The following SLC28A1 variants were observed in gnomAD, a reference collection of about 807,000 sequenced individuals.
SLC28A1 encodes the protein sodium/nucleoside cotransporter 1.
SLC28A1 carries 64 observed loss-of-function variants against 74.8 expected under a neutral mutation model. The observed-to-expected ratio is 0.86, with a 90% CI of 0.70 to 1.05. The LOEUF (loss-of-function observed/expected upper bound fraction) is 1.05, where lower values mean the gene tolerates loss of function less well. SLC28A1 is among the 50% of genes least tolerant of loss of function. The pLI is 0.00. For synonymous variants in SLC28A1, 359 were observed against 335.0 expected, an observed-to-expected ratio of 1.07 and a Z score of -0.78; for missense variants, 828 against 822.8, an observed-to-expected ratio of 1.01 and a Z score of -0.08.
the SLC28A1 span, chr15:84,961,529 C>A: frequency 2.2e-6 from 1 of 453,826 alleles, no homozygotes; most frequent in Admixed American, 2.4e-5. Context: ...TTTGTAGAGA[C>A]GAGGTCTTGC....
the SLC28A1 span, among the ~76,000 whole-genome samples, chr15:84,970,807 G>A: frequency 6.6e-6 from 1 of 151,668 alleles, no homozygotes; most frequent in African/African-American, 2.4e-5. Flanking sequence ...AGACCAGCCT[G>A]AGCAACATGG....
intron 12 of SLC28A1, among the ~76,000 whole-genome samples, chr15:84,930,800 C>T (rs977084630): frequency 1.3e-5 from 2 of 150,848 alleles, no homozygotes; most frequent in South Asian, 2.1e-4. Context: ...GATGGAGTCT[C>T]GCACTATTGC....
Position 84,945,517 on chromosome 15 carries a change from C to G in SLC28A1, c.*317C>G. The G allele has an allele frequency of 2.5e-6, 1 of 399,288 alleles. No individual in the cohort carries two copies. The highest frequency in any genetic ancestry group is 4.8e-6 in the Non-Finnish European group (1 of 208,696). The allele number at this position is 399,288 out of a possible 1,614,324, so 24.7% of individuals were successfully genotyped here. A position where few individuals can be genotyped will look rare whatever the true frequency, so the allele number is the denominator to read the frequency against. ...AGCACCCTGGTCCTCTCTATCCCCC[C>G]TCTCCTGGGGTCCCTCACATGCCCC... On this transcript the variant is annotated 3_prime_UTR_variant, in exon 19 of 19. Transcript: ENST00000394573.
the SLC28A1 span, among the ~76,000 whole-genome samples, chr15:84,969,184 T>A: frequency 6.6e-6 from 1 of 152,334 alleles, no homozygotes; most frequent in East Asian, 1.9e-4. Flanking sequence ...CCTTTCTGAT[T>A]CCCTGCTTAA....
chr15:84,946,188 C>A (rs1183120761), downstream of SLC28A1, among the ~76,000 whole-genome samples: 9 of 135,426 alleles, frequency 6.6e-5, no homozygotes, highest in Admixed American at 7.2e-4. Flanking sequence ...CTCCTGGACT[C>A]AAGTAGTCTG....
chr15:84,941,595 A>G (rs1001782319), intron 15 of SLC28A1, among the ~76,000 whole-genome samples: 1 of 152,070 alleles, frequency 6.6e-6, no homozygotes, highest in African/African-American at 2.4e-5. Context: ...CGTTATCTGG[A>G]AAGTGCGGCT....
intron 9 of SLC28A1, among the ~76,000 whole-genome samples, chr15:84,915,892 A>G (rs1045015816): frequency 3.9e-5 from 6 of 152,014 alleles, no homozygotes; most frequent in Non-Finnish European, 5.9e-5. Context: ...ACTCAGGGCT[A>G]TTTCTGCAGT....
the SLC28A1 span, among the ~76,000 whole-genome samples, chr15:84,956,472 T>TTTCTTTCTTTCTTTCTTTCTTTCTTTCC: frequency 1.2e-3 from 96 of 77,690 alleles, no homozygotes; most frequent in East Asian, 7.6e-3. Flanking sequence ...TCTTTCCTTC[T>TTTCTTTCTTTCTTTCTTTCTTTCTTTCC]TTCTTTCTTT....
At chr15:84,923,955 C>T (rs1274364747) in intron 11 of SLC28A1, 30 bp from the exon 12 acceptor site, 2 of 1,614,022 alleles carry the variant, frequency 1.2e-6, no homozygotes, top group East Asian at 2.2e-5. Flanking sequence ...CACCCCCACC[C>T]TGCTTGTCTG....
chr15:84,897,071 A>AT (rs2141702632), intron 6 of SLC28A1, among the ~76,000 whole-genome samples: 1 of 151,996 alleles, frequency 6.6e-6, no homozygotes, highest in East Asian at 1.9e-4. Flanking sequence ...AACTATACTA[A>AT]AAACCATTAA....
At chr15:84,889,977 A>C (rs1471544265) in intron 4 of SLC28A1, among the ~76,000 whole-genome samples, 1 of 150,900 alleles carries the variant, frequency 6.6e-6, no homozygotes, top group Non-Finnish European at 1.5e-5. Flanking sequence ...CTGGGATTAC[A>C]GGCGCACGCC....
At chr15:84,898,762 T>A (rs1213790324) in intron 6 of SLC28A1, among the ~76,000 whole-genome samples, 2 of 151,976 alleles carry the variant, frequency 1.3e-5, no homozygotes, top group Non-Finnish European at 2.9e-5. Flanking sequence ...AGGAAACAAA[T>A]GAGTTTAGCC....
In SLC28A1 at chr15:84,895,088, T is replaced by C. The variant is rs771633384; in HGVS notation, c.426T>C (p.Pro142=). Residue 142 remains proline, a synonymous_variant, in exon 6 of 19, where the codon CCT becomes CCC. Transcript: ENST00000394573. ...LGPKLRRFLK[P]QGHPRLLLWF... ...CAAAGCTGAGGAGGTTTCTCAAGCC[T>C]CAGGGCCATCCCCGCCTGCTGCTCT... The C allele has an allele frequency of 1.9e-6, 3 of 1,613,320 alleles. No homozygotes were observed. The Admixed American group carries it at 5.0e-5, about 27-fold the overall frequency.
At chr15:84,903,710 C>T (rs1966847996) in intron 6 of SLC28A1, among the ~76,000 whole-genome samples, 2 of 152,182 alleles carry the variant, frequency 1.3e-5, no homozygotes, top group African/African-American at 4.8e-5. Context: ...CCTTTCTCCC[C>T]CAAGGTCAGA....
chr15:84,932,497 T>A (rs1185784758), intron 12 of SLC28A1, among the ~76,000 whole-genome samples: 1 of 152,144 alleles, frequency 6.6e-6, no homozygotes, highest in Non-Finnish European at 1.5e-5. Flanking sequence ...TAGAGGCAGA[T>A]TTCCTGAGAA....
chr15:84,903,995 C>G, intron 6 of SLC28A1, 102 bp from the exon 7 acceptor site: 1 of 1,513,042 alleles, frequency 6.6e-7, no homozygotes, highest in Non-Finnish European at 9.1e-7. Flanking sequence ...TCTCCTCCTC[C>G]CAGCCCTGAG....
the SLC28A1 span, among the ~76,000 whole-genome samples, chr15:84,962,680 C>T: frequency 6.6e-6 from 1 of 151,974 alleles, no homozygotes; most frequent in African/African-American, 2.4e-5. Flanking sequence ...GCTGGGATTA[C>T]AGATGTGAGT....
At chr15:84,923,234 G>A (rs567733601) in intron 11 of SLC28A1, among the ~76,000 whole-genome samples, 2 of 152,214 alleles carry the variant, frequency 1.3e-5, no homozygotes, top group South Asian at 4.1e-4. Flanking sequence ...CACTGTGCCT[G>A]GCCTACTCAG....
intron 12 of SLC28A1, among the ~76,000 whole-genome samples, chr15:84,927,978 T>G (rs1300267916): frequency 6.6e-6 from 1 of 152,214 alleles, no homozygotes; most frequent in Non-Finnish European, 1.5e-5. Context: ...TCTGGTCCCC[T>G]TAGACAACGA....
Sources: gnomAD v4.1 joint callset for allele counts (sites outside exome capture counted in the v4.1 genomes callset) on GRCh38, gnomAD v4.1.1 for gene constraint, MANE v1.5 for transcripts, NCBI Gene and HGNC (gene_info 2026-07-23, HGNC 2026-07-21) for gene names.